Variants in NDUFS4 observed in about 807,000 individuals in gnomAD.
NDUFS4 encodes the protein NADH:ubiquinone oxidoreductase subunit S4, also known as NADH dehydrogenase [ubiquinone] iron-sulfur protein 4, mitochondrial.
In NDUFS4, 28 loss-of-function variants were observed where a neutral mutation model predicts 24.3. The observed-to-expected ratio is 1.15, with a 90% CI of 0.85 to 1.58. The LOEUF is 1.58. Among genes scored for constraint, NDUFS4 ranks in the 40% most tolerant of loss-of-function variants. The pLI, the probability that NDUFS4 is intolerant of heterozygous loss-of-function variation, is 0.00. For synonymous variants in NDUFS4, 93 were observed against 69.7 expected (o/e 1.34, Z -1.67); for missense variants, 223 against 207.9 (o/e 1.07, Z -0.45).
intron 2 of NDUFS4, among the ~76,000 whole-genome samples, chr5:53,633,405 T>C (rs530347712): frequency 1.3e-5 from 2 of 152,190 alleles, no homozygotes; most frequent in African/African-American, 2.4e-5. Flanking sequence ...TACAACCTTA[T>C]GTGAGAGTTG....
chr5:53,682,570 CAGTA>C (rs1740701877), intron 4 of NDUFS4, among the ~76,000 whole-genome samples: 1 of 151,916 alleles, frequency 6.6e-6, no homozygotes, highest in Non-Finnish European at 1.5e-5. Context: ...TGAGTTTAAT[CAGTA>C]GCCTGTCCAA....
intron 4 of NDUFS4, among the ~76,000 whole-genome samples, chr5:53,676,932 A>C (rs1330791436): frequency 6.6e-6 from 1 of 152,172 alleles, no homozygotes; most frequent in African/African-American, 2.4e-5. Flanking sequence ...AGGCGCGAGC[A>C]CGAGAGAGAA....
chr5:53,636,167 T>C (rs984484218), intron 2 of NDUFS4, among the ~76,000 whole-genome samples: 7 of 152,230 alleles, frequency 4.6e-5, no homozygotes, highest in South Asian at 2.1e-4. Flanking sequence ...TACAGATGCA[T>C]GCCACTGTAT....
intron 3 of NDUFS4, among the ~76,000 whole-genome samples, chr5:53,651,759 G>A (rs1374794504): frequency 1.4e-5 from 2 of 144,290 alleles, no homozygotes; most frequent in African/African-American, 5.1e-5. Context: ...AGGGGATCTT[G>A]GGCTTAACTT....
intron 1 of NDUFS4, among the ~76,000 whole-genome samples, chr5:53,572,357 A>C (rs1749238293): frequency 6.6e-6 from 1 of 152,174 alleles, no homozygotes; most frequent in South Asian, 2.1e-4. Context: ...GGATGGGGGA[A>C]GAAGGTCAAA....
rs557140008 is a variant in NDUFS4, at chr5:53,649,370, T to A, written c.350+2965T>A. On this transcript the variant is annotated intron_variant, in intron 3 of 4. Coordinates refer to ENST00000296684, the MANE Select transcript of NDUFS4 (RefSeq NM_002495.4). ...CTCTTGCCCCCTTCTCCCTCTCCCCTCTATTGGAGTTCCCAGTGTTTATTG... is the reference window on the plus strand; with the variant it reads ...CTCTTGCCCCCTTCTCCCTCTCCCCACTATTGGAGTTCCCAGTGTTTATTG... 2.0e-5 allele frequency among the ~76,000 whole-genome samples: 3 copies of A among 152,216 alleles called. No homozygotes were observed. The East Asian group carries it at 5.8e-4, about 29-fold the overall frequency.
At position 53,596,516 on chromosome 5, in the gene NDUFS4, TTCTA is replaced by T. The variant is rs1356360751; in HGVS notation, c.99-6931_99-6928del. 7.2e-5 allele frequency among the ~76,000 whole-genome samples: 11 copies of T among 152,344 alleles called. No individual in the cohort carries two copies. The East Asian group carries it at 2.1e-3, about 29-fold the overall frequency. Reference sequence around the variant, plus strand: ...CCATTAACAGTTGGTTCTCTCTTTTTTCTATCTAATGAATACAGTATGCTGAAGA... The same window carrying T: ...CCATTAACAGTTGGTTCTCTCTTTTTTCTAATGAATACAGTATGCTGAAGA... On this transcript the variant is annotated intron_variant, in intron 1 of 4. Transcript: ENST00000296684.
chr5:53,624,607 G>A (rs1751160697), intron 2 of NDUFS4, among the ~76,000 whole-genome samples: 1 of 152,100 alleles, frequency 6.6e-6, no homozygotes, highest in Non-Finnish European at 1.5e-5. Context: ...AAATGGGATT[G>A]TTTTTGTAAT....
At position 53,597,596 on chromosome 5, in the gene NDUFS4, CTT is replaced by C. The variant is rs1267798315; in HGVS notation, c.99-5852_99-5851del. On this transcript the variant is annotated intron_variant, in intron 1 of 4. Coordinates refer to ENST00000296684, the MANE Select transcript of NDUFS4 (RefSeq NM_002495.4). ...TTTTAAAAATCTTCACTGTTTAAGA[CTT>C]TTTGAAAAGTGTATTTTGAAGTGTT... is the stretch of plus-strand genomic sequence containing the variant. 3.3e-5 allele frequency among the ~76,000 whole-genome samples: 5 copies of C among 152,204 alleles called. No individual in the cohort carries two copies. In the South Asian group the frequency reaches 8.3e-4, roughly 25 times the overall value.
intron 2 of NDUFS4, among the ~76,000 whole-genome samples, chr5:53,644,352 A>T (rs1397769871): frequency 1.3e-5 from 2 of 152,154 alleles, no homozygotes; most frequent in East Asian, 3.8e-4. Flanking sequence ...CCACCCCATA[A>T]TTCTATAACA....
intron 2 of NDUFS4, among the ~76,000 whole-genome samples, chr5:53,616,259 A>G (rs1184056440): frequency 6.6e-6 from 1 of 151,598 alleles, no homozygotes; most frequent in East Asian, 1.9e-4. Flanking sequence ...GGATGTAGCT[A>G]TGAACAAAGC....
chr5:53,621,989 C>T (rs565026479), intron 2 of NDUFS4, among the ~76,000 whole-genome samples: 50 of 152,010 alleles, frequency 3.3e-4, no homozygotes, highest in Non-Finnish European at 5.7e-4. Flanking sequence ...CGTGAGCCAC[C>T]GCGCCCGGCC....
At chr5:53,576,637 ACT>A (rs138109154) in intron 1 of NDUFS4, among the ~76,000 whole-genome samples, 24,300 of 152,112 alleles carry the variant, frequency 0.16, 1,917 homozygotes, top group Middle Eastern at 0.19. Context: ...TACAAAAAAT[ACT>A]CAATGTTTGT....
rs1752560906 is a variant in NDUFS4, at chr5:53,667,741, G to C, written c.424+9117G>C. 1.3e-5 allele frequency among the ~76,000 whole-genome samples: 2 copies of C among 152,164 alleles called. 1 individual carries two copies. The highest frequency in any genetic ancestry group is 4.1e-4 in the South Asian group (2 of 4,828). On this transcript the variant is annotated intron_variant, in intron 4 of 4. Transcript: ENST00000296684. ...TAATATGTAAAGACTACTGGATTAA[G>C]AGGCTGGTAACTAAGACTCTCATTC...
chr5:53,619,524 A>C (rs1444984902), intron 2 of NDUFS4, among the ~76,000 whole-genome samples: 1 of 151,070 alleles, frequency 6.6e-6, no homozygotes, highest in East Asian at 1.9e-4. Flanking sequence ...TATACATCAT[A>C]AATATATCAA....
chr5:53,604,003 A>G (rs1049472670), intron 2 of NDUFS4, among the ~76,000 whole-genome samples: 1 of 152,164 alleles, frequency 6.6e-6, no homozygotes, highest in African/African-American at 2.4e-5. Flanking sequence ...ATGAAGAAAT[A>G]ACTAGCAAGC....
chr5:53,599,834 A>T (rs1221729472), intron 1 of NDUFS4, among the ~76,000 whole-genome samples: 1 of 151,570 alleles, frequency 6.6e-6, no homozygotes, highest in Non-Finnish European at 1.5e-5. Flanking sequence ...TTTTTTTCTT[A>T]ACAAGGTTTT....
intron 1 of NDUFS4, among the ~76,000 whole-genome samples, chr5:53,585,698 C>T (rs780783205): frequency 1.1e-4 from 16 of 151,236 alleles, no homozygotes; most frequent in Non-Finnish European, 5.9e-5. Flanking sequence ...GCCGAGATCG[C>T]GCCATTGCAC....
intron 4 of NDUFS4, among the ~76,000 whole-genome samples, chr5:53,666,848 C>G (rs1040531238): frequency 6.6e-6 from 1 of 152,076 alleles, no homozygotes; most frequent in South Asian, 2.1e-4. Context: ...ACAGGAGAAT[C>G]GCTTGAACTC....
Sources: allele counts gnomAD v4.1 joint callset (sites outside exome capture counted in the v4.1 genomes callset), GRCh38; gene constraint gnomAD v4.1.1; transcripts MANE v1.5; gene names NCBI Gene and HGNC (gene_info 2026-07-23, HGNC 2026-07-21).